RAB11FIP4: variants seen among roughly 807,000 people sequenced by gnomAD.
The protein encoded by RAB11FIP4 is rab11 family-interacting protein 4.
In RAB11FIP4, 23 loss-of-function variants were observed where a neutral mutation model predicts 74.3. The ratio of observed to expected loss-of-function variants is 0.31; its 90% CI spans 0.22 to 0.44. RAB11FIP4 has a LOEUF of 0.44. Ranked by LOEUF, RAB11FIP4 falls within the 20% of genes least tolerant of loss-of-function variation. RAB11FIP4 has a pLI of 1.00. For synonymous variants in RAB11FIP4, 360 were observed against 359.9 expected (o/e 1.00, Z 0.00); for missense variants, 630 against 863.9 (o/e 0.73, Z 3.39).
At chr17:31,494,648 T>TTA (rs564372866) in intron 3 of RAB11FIP4, among the ~76,000 whole-genome samples, 2 of 151,196 alleles carry the variant, frequency 1.3e-5, no homozygotes, top group Admixed American at 1.3e-4. Flanking sequence ...TTAATTTTTT[T>TTA]AAAAAAAAAG....
intron 3 of RAB11FIP4, chr17:31,488,178 C>T (rs2071935296): frequency 7.2e-5 from 78 of 1,077,070 alleles, no homozygotes; most frequent in Non-Finnish European, 8.5e-5. Flanking sequence ...CTGCCCGCCG[C>T]GTCCCCGCGC....
chr17:31,407,266 C>G (rs1193732182), intron 1 of RAB11FIP4, among the ~76,000 whole-genome samples: 1 of 151,942 alleles, frequency 6.6e-6, no homozygotes, highest in Non-Finnish European at 1.5e-5. Context: ...TCAAGCTTGT[C>G]TTGAACTCCT....
chr17:31,397,040 C>T (rs1351579526), intron 1 of RAB11FIP4, among the ~76,000 whole-genome samples: 2 of 152,140 alleles, frequency 1.3e-5, no homozygotes, highest in African/African-American at 4.8e-5. Flanking sequence ...TGGGCTGAGA[C>T]CGGCCAGGAG....
intron 3 of RAB11FIP4, among the ~76,000 whole-genome samples, chr17:31,448,222 T>A (rs1352368003): frequency 6.6e-6 from 1 of 152,072 alleles, no homozygotes; most frequent in Non-Finnish European, 1.5e-5. Flanking sequence ...AAGGTATTAC[T>A]GTTATTGCTA....
intron 3 of RAB11FIP4, among the ~76,000 whole-genome samples, chr17:31,490,046 A>G (rs2071978532): frequency 6.6e-6 from 1 of 152,148 alleles, no homozygotes. Flanking sequence ...GAAAAGCAGA[A>G]GAAATTAGAG....
chr17:31,393,096 A>G (rs1597892115), intron 1 of RAB11FIP4, among the ~76,000 whole-genome samples: 1 of 152,152 alleles, frequency 6.6e-6, no homozygotes, highest in South Asian at 2.1e-4. Context: ...TCATCTCTCC[A>G]CCCGCACCTG....
chr17:31,444,548 A>C (rs1254903719), intron 3 of RAB11FIP4, among the ~76,000 whole-genome samples: 2 of 151,956 alleles, frequency 1.3e-5, no homozygotes, highest in Non-Finnish European at 2.9e-5. Context: ...TGTGTCTTCT[A>C]CCTCCTACCC....
At chr17:31,476,934 C>T (rs1420950453) in intron 3 of RAB11FIP4, among the ~76,000 whole-genome samples, 3 of 152,326 alleles carry the variant, frequency 2.0e-5, no homozygotes, top group East Asian at 1.9e-4. Flanking sequence ...GCCAGTCTCC[C>T]GACACCAGCC....
chr17:31,489,193 C>G (rs1264102473), intron 3 of RAB11FIP4, among the ~76,000 whole-genome samples: 1 of 152,172 alleles, frequency 6.6e-6, no homozygotes, highest in Non-Finnish European at 1.5e-5. Context: ...TCCTGGTGAT[C>G]CACCAAACTT....
chr17:31,505,383 C>G (rs1378820173), intron 3 of RAB11FIP4, among the ~76,000 whole-genome samples: 1 of 119,540 alleles, frequency 8.4e-6, no homozygotes, highest in Non-Finnish European at 1.6e-5. Flanking sequence ...TTTGCTTATT[C>G]CATCAGTAAT....
intron 3 of RAB11FIP4, among the ~76,000 whole-genome samples, chr17:31,448,180 T>A (rs1216067838): frequency 1.3e-5 from 2 of 152,188 alleles, no homozygotes; most frequent in African/African-American, 4.8e-5. Context: ...TGTAGACCCA[T>A]GTCCATCTTC....
chr17:31,454,264 GAGC>G (rs1219139489), intron 3 of RAB11FIP4, among the ~76,000 whole-genome samples: 1 of 151,882 alleles, frequency 6.6e-6, no homozygotes, highest in Middle Eastern at 3.2e-3. Flanking sequence ...ATAGAAGACA[GAGC>G]ATAAAGTCTG....
intron 7 of RAB11FIP4, chr17:31,522,746 T>G: frequency 1.4e-4 from 42 of 310,426 alleles, no homozygotes; most frequent in East Asian, 4.0e-4. Context: ...AGACCCCGGG[T>G]TTCCTGCAGG....
At position 31,528,677 on chromosome 17, in the gene RAB11FIP4, G is replaced by A. The variant is rs200462864; in HGVS notation, c.1552G>A (p.Glu518Lys). ...CCTGCAGATGTACAAGCTGGACTGC[G>A]AGCGGCCAGGCAGGGGCCGCAGTGC... ...EHLQMYKLDCERPGRGRSASS... is the reference protein window; with the variant it reads ...EHLQMYKLDCKRPGRGRSASS... Residue 518 changes from glutamate to lysine, a missense_variant, in exon 13 of 15, where the codon GAG becomes AAG. Transcript: ENST00000621161. 8 of 1,612,902 alleles carry A rather than the reference G, an allele frequency of 5.0e-6. No homozygotes were observed. The highest frequency in any genetic ancestry group is 6.8e-6 in the Non-Finnish European group (8 of 1,179,682).
At chr17:31,450,634 C>A (rs141593798) in intron 3 of RAB11FIP4, among the ~76,000 whole-genome samples, 2 of 152,100 alleles carry the variant, frequency 1.3e-5, no homozygotes, top group African/African-American at 4.8e-5. Context: ...CTTTAAATGG[C>A]GCTGGGTCTC....
intron 3 of RAB11FIP4, among the ~76,000 whole-genome samples, chr17:31,459,827 GC>G (rs1441455671): frequency 6.6e-6 from 1 of 150,432 alleles, no homozygotes; most frequent in East Asian, 2.0e-4. Flanking sequence ...AGTGGGTTGT[GC>G]CCCAGAGGGG....
intron 1 of RAB11FIP4, among the ~76,000 whole-genome samples, chr17:31,409,954 C>T (rs2071077658): frequency 6.6e-6 from 1 of 152,178 alleles, no homozygotes; most frequent in Admixed American, 6.5e-5. Context: ...TGATCAAGGA[C>T]TCAGTGTCTG....
chr17:31,462,682 G>T (rs1235484758), intron 3 of RAB11FIP4, among the ~76,000 whole-genome samples: 1 of 151,962 alleles, frequency 6.6e-6, no homozygotes, highest in Non-Finnish European at 1.5e-5. Context: ...TGTCACCCAG[G>T]CTGGAGTGCA....
chr17:31,498,135 C>T (rs562601361), intron 3 of RAB11FIP4, among the ~76,000 whole-genome samples: 1 of 152,184 alleles, frequency 6.6e-6, no homozygotes, highest in South Asian at 2.1e-4. Flanking sequence ...GTGGGGAGCT[C>T]ACAAGCTCTT....
Sources: gnomAD v4.1 joint callset for allele counts (sites outside exome capture counted in the v4.1 genomes callset) on GRCh38, gnomAD v4.1.1 for gene constraint, MANE v1.5 for transcripts, NCBI Gene and HGNC (gene_info 2026-07-23, HGNC 2026-07-21) for gene names.